The following HS6ST2 variants were observed in gnomAD, a reference collection of about 807,000 sequenced individuals.
HS6ST2 encodes the protein heparan-sulfate 6-O-sulfotransferase 2.
HS6ST2 carries 17 observed loss-of-function variants against 33.0 expected under a neutral mutation model. The ratio of observed to expected loss-of-function variants is 0.52; its 90% CI spans 0.35 to 0.77. HS6ST2 has a LOEUF of 0.77. HS6ST2 is among the 30% of genes least tolerant of loss of function. HS6ST2 has a pLI of 0.01. For synonymous variants in HS6ST2, 248 were observed against 237.1 expected, an observed-to-expected ratio of 1.05 and a Z score of -0.42; for missense variants, 519 against 551.7, an observed-to-expected ratio of 0.94 and a Z score of 0.59.
chrX:132,913,850 A>G (rs2066558276), intron 2 of HS6ST2, among the ~76,000 whole-genome samples: 1 of 112,243 alleles, frequency 8.9e-6, no homozygotes, highest in Admixed American at 9.4e-5. Flanking sequence ...TATAGCAAGT[A>G]AAATGAGTTC....
chrX:132,895,743 T>C (rs1383050466), intron 2 of HS6ST2, among the ~76,000 whole-genome samples: 1 of 110,715 alleles, frequency 9.0e-6, no homozygotes, highest in Non-Finnish European at 1.9e-5. Flanking sequence ...CTATTTCCTC[T>C]CACTGGTATC....
intron 2 of HS6ST2, among the ~76,000 whole-genome samples, chrX:132,770,173 T>C (rs1014696515): frequency 8.9e-6 from 1 of 111,804 alleles, no homozygotes; most frequent in Non-Finnish European, 1.9e-5. Flanking sequence ...ATTATCTCAT[T>C]TCCTTCTTAC....
intron 2 of HS6ST2, among the ~76,000 whole-genome samples, chrX:132,834,146 C>T (rs2065619073): frequency 9.0e-6 from 1 of 111,428 alleles, no homozygotes; most frequent in Non-Finnish European, 1.9e-5. Context: ...AGTTCAAGCC[C>T]TCTCATTCAT....
chrX:132,890,343 A>G (rs962807653), intron 2 of HS6ST2, among the ~76,000 whole-genome samples: 3 of 108,697 alleles, frequency 2.8e-5, no homozygotes, highest in Non-Finnish European at 3.8e-5. Context: ...CTACAAGGCC[A>G]TGGCTCATAA....
At chrX:132,715,101 G>A (rs566194206) in intron 2 of HS6ST2, among the ~76,000 whole-genome samples, 1 of 111,854 alleles carries the variant, frequency 8.9e-6, no homozygotes, top group South Asian at 3.8e-4. Flanking sequence ...ACCATATCTT[G>A]TTCGATTCAG....
chrX:132,841,014 T>C (rs1194198863), intron 2 of HS6ST2, among the ~76,000 whole-genome samples: 2 of 112,199 alleles, frequency 1.8e-5, no homozygotes, highest in Non-Finnish European at 3.8e-5. Context: ...AAATTCTAGT[T>C]ACAAGTGGTG....
chrX:132,737,030 T>C (rs1215970816), intron 2 of HS6ST2, among the ~76,000 whole-genome samples: 1 of 111,970 alleles, frequency 8.9e-6, no homozygotes, highest in African/African-American at 3.3e-5. Flanking sequence ...AAACCTGAAT[T>C]CACAGAATGA....
At chrX:132,797,427 A>G (rs1322040871) in intron 2 of HS6ST2, among the ~76,000 whole-genome samples, 1 of 112,220 alleles carries the variant, frequency 8.9e-6, no homozygotes, top group Non-Finnish European at 1.9e-5. Flanking sequence ...CACCATCACT[A>G]TTGGAATTCT....
chrX:132,874,081 C>A (rs2066087712), intron 2 of HS6ST2, among the ~76,000 whole-genome samples: 2 of 111,386 alleles, frequency 1.8e-5, no homozygotes, highest in African/African-American at 6.5e-5. Flanking sequence ...ATCGATAACC[C>A]TGAAACTACA....
intron 2 of HS6ST2, among the ~76,000 whole-genome samples, chrX:132,820,720 T>C (rs1223886028): frequency 1.9e-5 from 2 of 107,911 alleles, no homozygotes; most frequent in African/African-American, 6.8e-5. Context: ...TAGGAATATT[T>C]GGGGTAATGG....
chrX:132,757,146 A>C (rs909816731), intron 2 of HS6ST2, among the ~76,000 whole-genome samples: 1 of 111,744 alleles, frequency 8.9e-6, no homozygotes, highest in African/African-American at 3.3e-5. Context: ...CATCCTCTGG[A>C]GAAACCCTAA....
intron 2 of HS6ST2, among the ~76,000 whole-genome samples, chrX:132,852,731 T>C (rs1813191829): frequency 8.9e-6 from 1 of 112,316 alleles, no homozygotes. Context: ...ATTCCGATTA[T>C]GGCCCTGTAG....
chrX:132,913,209 C>T (rs571437439), intron 2 of HS6ST2, among the ~76,000 whole-genome samples: 3 of 111,278 alleles, frequency 2.7e-5, no homozygotes, highest in African/African-American at 6.5e-5. Context: ...ACCTGCCAAA[C>T]GTGGGTACAA....
At position 132,852,252 on chromosome X, in the gene HS6ST2, C is replaced by T. The variant is rs751267884; in HGVS notation, c.947+104556G>A. 1.8e-5 allele frequency among the ~76,000 whole-genome samples: 2 copies of T among 111,933 alleles called. 1 individual carries two copies. The highest frequency in any genetic ancestry group is 1.9e-4 in the Admixed American group (2 of 10,575). On this transcript the variant is annotated intron_variant, in intron 2 of 4. Transcript: ENST00000370833. ...CCTATGCTAGGACTCAAAAAACTGC[C>T]ATGTTATCAGTACAAGGGACAGGAG...
At chrX:132,949,703 T>C (rs1026929877) in intron 2 of HS6ST2, among the ~76,000 whole-genome samples, 1 of 111,513 alleles carries the variant, frequency 9.0e-6, no homozygotes, top group African/African-American at 3.3e-5. Context: ...ATTGTTATTA[T>C]ATAAGTAATG....
intron 2 of HS6ST2, among the ~76,000 whole-genome samples, chrX:132,884,314 GA>G (rs767160625): frequency 3.6e-5 from 4 of 111,965 alleles, no homozygotes; most frequent in Non-Finnish European, 7.5e-5. Context: ...ATGAAGGATG[GA>G]AAGGAGAGAG....
intron 2 of HS6ST2, among the ~76,000 whole-genome samples, chrX:132,912,676 G>A (rs1457392900): frequency 8.9e-6 from 1 of 111,855 alleles, no homozygotes; most frequent in Non-Finnish European, 1.9e-5. Flanking sequence ...CCCAACTCAT[G>A]GCTCAGATGG....
At chrX:132,779,906 C>T (rs181562207) in intron 2 of HS6ST2, among the ~76,000 whole-genome samples, 30 of 111,017 alleles carry the variant, frequency 2.7e-4, no homozygotes, top group Non-Finnish European at 4.7e-4. Flanking sequence ...AGTCGTAATT[C>T]TAACCCAGTA....
At chrX:132,743,846 C>T in intron 2 of HS6ST2, among the ~76,000 whole-genome samples, 1 of 111,979 alleles carries the variant, frequency 8.9e-6, no homozygotes. Flanking sequence ...TGGCTTACTG[C>T]AGCCTCAATC....
Sources: allele counts gnomAD v4.1 joint callset (sites outside exome capture counted in the v4.1 genomes callset), GRCh38; gene constraint gnomAD v4.1.1; transcripts MANE v1.5; gene names NCBI Gene and HGNC (gene_info 2026-07-23, HGNC 2026-07-21).